Variants in TDP1 observed in about 807,000 individuals in gnomAD.
The protein encoded by TDP1 is tyrosyl-DNA phosphodiesterase 1.
TDP1 carries 64 observed loss-of-function variants against 81.5 expected under a neutral mutation model. The ratio of observed to expected loss-of-function variants is 0.79; its 90% CI spans 0.64 to 0.97. TDP1 has a LOEUF of 0.97. Ranked by LOEUF, TDP1 falls within the 50% of genes least tolerant of loss-of-function variation. The pLI, the probability that TDP1 is intolerant of heterozygous loss-of-function variation, is 0.00. For missense variants in TDP1, 723 were observed against 743.8 expected (o/e 0.97, Z 0.33); for synonymous variants, 256 against 264.3 (o/e 0.97, Z 0.30).
chr14:90,014,684 AAG>A (rs1324336831), intron 14 of TDP1, among the ~76,000 whole-genome samples: 1 of 152,198 alleles, frequency 6.6e-6, no homozygotes, highest in Admixed American at 6.5e-5. Flanking sequence ...AATGATGAAA[AAG>A]AAATATTTTA....
At chr14:89,986,198 A>G (rs1895533699) in intron 10 of TDP1, among the ~76,000 whole-genome samples, 1 of 152,232 alleles carries the variant, frequency 6.6e-6, no homozygotes, top group South Asian at 2.1e-4. Context: ...AGACATCTTT[A>G]TGTCTTGGCC....
intron 10 of TDP1, chr14:89,988,463 C>A: frequency 2.5e-6 from 1 of 398,712 alleles, no homozygotes; most frequent in Non-Finnish European, 3.4e-6. Flanking sequence ...AAAGACTTCA[C>A]ATTGGAGATC....
In TDP1 at chr14:89,990,618, G is replaced by T. The variant is rs115463376; in HGVS notation, c.1366+853G>T. ...CACCGAGACCCAGGGATACAGTGGTGGTTTTTCTTTGGTACTCTTTTTGTG... is the reference window on the plus strand; with the variant it reads ...CACCGAGACCCAGGGATACAGTGGTTGTTTTTCTTTGGTACTCTTTTTGTG... On this transcript the variant is annotated intron_variant, in intron 12 of 16. Transcript: ENST00000335725. Among the ~76,000 whole-genome samples, 893 of 136,616 alleles carry T rather than the reference G, an allele frequency of 6.5e-3. 11 individuals are homozygous for T. Among genetic ancestry groups the T allele is most frequent in the African/African-American group, 0.024 (866 of 36,022 alleles). The allele number at this position is 136,616 out of a possible 152,430, so 89.6% of individuals were successfully genotyped here.
At chr14:89,989,638 A>G in intron 11 of TDP1, 79 bp from the exon 12 acceptor site, 2 of 1,268,610 alleles carry the variant, frequency 1.6e-6, no homozygotes, top group Non-Finnish European at 2.3e-6. Flanking sequence ...ACAGATTTTC[A>G]TTTCCTTAAA....
chr14:89,955,903 C>A (rs1416931945), upstream of TDP1: 1 of 151,958 alleles, frequency 6.6e-6, no homozygotes, highest in Non-Finnish European at 1.5e-5. Flanking sequence ...AGGGTTTGAA[C>A]TGCGCGCATG....
chr14:89,985,611 G>A (rs1254523459), intron 10 of TDP1, among the ~76,000 whole-genome samples: 1 of 152,164 alleles, frequency 6.6e-6, no homozygotes, highest in Non-Finnish European at 1.5e-5. Flanking sequence ...TTAAACCAGT[G>A]CCCTTAAGAA....
At position 90,020,763 on chromosome 14, in the gene TDP1, G is replaced by A. The variant is rs564613647; in HGVS notation, c.1644+1345G>A. Among the ~76,000 whole-genome samples the A allele has an allele frequency of 2.1e-5, 3 of 144,978 alleles. No homozygotes were observed. The East Asian group carries it at 6.0e-4, about 29-fold the overall frequency. On this transcript the variant is annotated intron_variant, in intron 15 of 16. Transcript: ENST00000335725. ...GATGATTTAGCTGAGGGGTTGGTGT[G>A]TGCTTGTCCTCAGACTTCAATCTGG...
rs545304556 is a variant in TDP1, at chr14:90,029,398, C to T, written c.1645-3708C>T. ...ATTTTTAGTAGAGATGGGGTTTCTCCGTGTTGGCCAGGCTGGTCTCGAACT... is the reference window on the plus strand; with the variant it reads ...ATTTTTAGTAGAGATGGGGTTTCTCTGTGTTGGCCAGGCTGGTCTCGAACT... On this transcript the variant is annotated intron_variant, in intron 15 of 16. Coordinates refer to ENST00000335725, the MANE Select transcript of TDP1 (RefSeq NM_018319.4). Among the ~76,000 whole-genome samples, 255 of 151,742 alleles carry T rather than the reference C, an allele frequency of 1.7e-3. 1 individual carries two copies. Among genetic ancestry groups the T allele is most frequent in the Non-Finnish European group, 2.8e-3 (193 of 67,936 alleles).
At chr14:89,958,578 G>C (rs1480367649) in intron 2 of TDP1, among the ~76,000 whole-genome samples, 1 of 152,168 alleles carries the variant, frequency 6.6e-6, no homozygotes, top group Non-Finnish European at 1.5e-5. Context: ...CTAAAACAAA[G>C]GCACCACTCA....
chr14:90,018,071 C>CTT (rs77303840), intron 14 of TDP1, among the ~76,000 whole-genome samples: 19 of 143,786 alleles, frequency 1.3e-4, no homozygotes, highest in South Asian at 4.5e-4. Flanking sequence ...CCTTAACAAA[C>CTT]TTTTTTTTTT....
chr14:90,010,103 A>G (rs1301544670), intron 14 of TDP1, among the ~76,000 whole-genome samples: 1 of 152,222 alleles, frequency 6.6e-6, no homozygotes, highest in Non-Finnish European at 1.5e-5. Flanking sequence ...CACTTGCAAG[A>G]AAAGATTTAC....
chr14:90,018,088 A>G (rs986467383), intron 14 of TDP1, among the ~76,000 whole-genome samples: 17 of 97,768 alleles, frequency 1.7e-4, no homozygotes, highest in African/African-American at 6.5e-4. Flanking sequence ...TTTTTTTTTT[A>G]TCTTACTTGG....
Position 89,961,860 on chromosome 14 carries a change from C to T in TDP1, c.-7-1248C>T, listed in dbSNP as rs139477048. Among the ~76,000 whole-genome samples, 58 of 152,310 alleles carry T rather than the reference C, an allele frequency of 3.8e-4. 1 individual carries two copies. In the East Asian group the frequency reaches 0.01, roughly 26 times the overall value. On this transcript the variant is annotated intron_variant, in intron 2 of 16. Coordinates refer to ENST00000335725, the MANE Select transcript of TDP1 (RefSeq NM_018319.4). ...CCACTCAATGCATCTTTTCCAGCCT[C>T]ATTAAAACAGCAGAAACTCGAAGAT...
intron 15 of TDP1, among the ~76,000 whole-genome samples, chr14:90,031,892 T>G (rs1887325124): frequency 6.6e-6 from 1 of 152,234 alleles, no homozygotes; most frequent in Non-Finnish European, 1.5e-5. Flanking sequence ...CTGCCAAGTC[T>G]AAAATAGGCC....
chr14:90,035,724 C>G (rs1887750092), intron 16 of TDP1, among the ~76,000 whole-genome samples: 1 of 144,608 alleles, frequency 6.9e-6, no homozygotes, highest in Admixed American at 6.7e-5. Flanking sequence ...CTTCAGGTTC[C>G]TTTTCTTCCT....
intron 15 of TDP1, among the ~76,000 whole-genome samples, chr14:90,020,211 C>G (rs1885809867): frequency 6.6e-6 from 1 of 152,142 alleles, no homozygotes; most frequent in African/African-American, 2.4e-5. Context: ...CACGCTTGAC[C>G]CAGAGAGATA....
At chr14:90,013,181 A>C (rs1884918344) in intron 14 of TDP1, among the ~76,000 whole-genome samples, 1 of 152,214 alleles carries the variant, frequency 6.6e-6, no homozygotes, top group African/African-American at 2.4e-5. Context: ...ATTAATGCCG[A>C]AATGAGTTAA....
intron 15 of TDP1, chr14:90,022,903 C>T (rs767967661): frequency 3.4e-4 from 268 of 779,548 alleles, no homozygotes; most frequent in Middle Eastern, 1.8e-3. Flanking sequence ...GGCTGTCCAA[C>T]GGAACAGCCC....
rs1256770895 is a variant in TDP1, at chr14:89,988,876, C to CT, written c.1132-26dup. 3 of 1,613,764 alleles carry CT rather than the reference C, an allele frequency of 1.9e-6. No individual in the cohort carries two copies. The African/African-American group carries it at 4.0e-5, about 22-fold the overall frequency. ...ATTTCTGTTAAGATTATTTGAGTCA[C>CT]TTTAACATTCACTTTTATTCTTTCC... On this transcript the variant is annotated intron_variant, in intron 10 of 16. Transcript: ENST00000335725.
Sources: gnomAD v4.1 joint callset for allele counts (sites outside exome capture counted in the v4.1 genomes callset) on GRCh38, gnomAD v4.1.1 for gene constraint, MANE v1.5 for transcripts, NCBI Gene and HGNC (gene_info 2026-07-23, HGNC 2026-07-21) for gene names.